Variants in MFN2 observed in about 807,000 individuals in gnomAD.
MFN2 encodes the protein mitofusin 2.
In MFN2, 43 loss-of-function variants were observed where a neutral mutation model predicts 87.5. The observed-to-expected ratio is 0.49, with a 90% CI of 0.38 to 0.63. The LOEUF is 0.63. MFN2 is among the 30% of genes least tolerant of loss of function. The probability of loss-of-function intolerance (pLI) is 0.00; values close to 1 mark genes in which losing one functional copy is unlikely to be tolerated. For synonymous variants in MFN2, 337 were observed against 359.9 expected, an observed-to-expected ratio of 0.94 and a Z score of 0.72; for missense variants, 743 against 972.8, an observed-to-expected ratio of 0.76 and a Z score of 3.14.
At position 11,982,027 on chromosome 1, in the gene MFN2, C is replaced by G. The variant is rs1385794002; in HGVS notation, c.-92C>G. 2.0e-5 allele frequency: 3 copies of G among 150,788 alleles called. No homozygotes were observed. Among genetic ancestry groups the G allele is most frequent in the Non-Finnish European group, 2.9e-5 (2 of 67,958 alleles). The allele number at this position is 150,788 out of a possible 1,614,324, so 9.3% of individuals were successfully genotyped here. On this transcript the variant is annotated 5_prime_UTR_variant, in exon 2 of 19. Coordinates refer to ENST00000235329, the MANE Select transcript of MFN2 (RefSeq NM_014874.4). Reference sequence around the variant, plus strand: ...TAGCCAACCTCAACCTGAGACAGGACAGAAGAGAACTCAGAATCTTTTTGT... The same window carrying G: ...TAGCCAACCTCAACCTGAGACAGGAGAGAAGAGAACTCAGAATCTTTTTGT...
At chr1:12,009,818 GAC>G in intron 18 of MFN2, 92 bp downstream of exon 18, 2 of 1,585,758 alleles carry the variant, frequency 1.3e-6, no homozygotes, top group Non-Finnish European at 1.7e-6. Flanking sequence ...CTTGGGTGTG[GAC>G]ACAAATTTTT....
chr1:12,011,709 C>A lies in MFN2; in HGVS notation c.*144C>A. 1 of 793,878 alleles carries A rather than the reference C, an allele frequency of 1.3e-6. No homozygotes were observed. Among genetic ancestry groups the A allele is most frequent in the Non-Finnish European group, 2.1e-6 (1 of 481,240 alleles). 49.2% of individuals were successfully genotyped at this position (793,878 alleles called of 1,614,324 possible). ...GCACCCAGTCTCGTACCATTTTGAG[C>A]CCTCCAGCACTACTTATTTTCCCCC... is the stretch of plus-strand genomic sequence containing the variant. On this transcript the variant is annotated 3_prime_UTR_variant, in exon 19 of 19. Transcript: ENST00000235329.
chr1:12,003,980 C>T lies in MFN2; in HGVS notation c.1161-12C>T, dbSNP rs1347538946. ...CAGGAACATGGATTTCTCACCAGTA[C>T]TCTGCTTTCAGGGTTTACTGCGAGG... On this transcript the variant is annotated splice_polypyrimidine_tract_variant and intron_variant, in intron 11 of 18. Transcript: ENST00000235329. This position sits in a 1 kb window ranked among gnomAD's most constrained non-coding sequence, Gnocchi z 4.1. The T allele has an allele frequency of 1.9e-6, 3 of 1,614,174 alleles. No homozygotes were observed. The highest frequency in any genetic ancestry group is 1.7e-5 in the Admixed American group (1 of 60,030).
intron 17 of MFN2, among the ~76,000 whole-genome samples, chr1:12,008,044 T>G (rs998309102): frequency 8.5e-5 from 13 of 152,124 alleles, no homozygotes; most frequent in Admixed American, 1.3e-4. Context: ...ACAGCACATG[T>G]TTCAGAGAGC....
chr1:12,011,698 AC>A lies in MFN2; in HGVS notation c.*135del. ...AAGAGAATGAAGCACCCAGTCTCGT[AC>A]CATTTTGAGCCCTCCAGCACTACTT... On this transcript the variant is annotated 3_prime_UTR_variant, in exon 19 of 19. Coordinates refer to ENST00000235329, the MANE Select transcript of MFN2 (RefSeq NM_014874.4). 1.1e-6 allele frequency: 1 copy of A among 928,880 alleles called. No individual in the cohort carries two copies. The allele number at this position is 928,880 out of a possible 1,614,324, so 57.5% of individuals were successfully genotyped here.
chr1:12,006,063 C>T (rs1639402440), intron 15 of MFN2, 132 bp downstream of exon 15: 3 of 769,638 alleles, frequency 3.9e-6, no homozygotes, highest in Admixed American at 4.7e-5. Flanking sequence ...CCACACAGTA[C>T]ACCACAGACA....
At chr1:12,001,348 G>T in intron 8 of MFN2, 53 bp from the exon 9 acceptor site, 2 of 1,607,364 alleles carry the variant, frequency 1.2e-6, no homozygotes, top group East Asian at 2.2e-5. Flanking sequence ...AGAGGCAGGT[G>T]GGGGCTGTGG....
rs1042842 is a variant in MFN2, at chr1:12,011,623, A to G, written c.*58A>G. The G allele has an allele frequency of 0.67, 1,067,423 of 1,587,626 alleles. 361,741 individuals are homozygous for G. The highest frequency in any genetic ancestry group is 0.85 in the African/African-American group (63,118 of 74,418). On this transcript the variant is annotated 3_prime_UTR_variant, in exon 19 of 19. Coordinates refer to ENST00000235329, the MANE Select transcript of MFN2 (RefSeq NM_014874.4). ...GGCGGTGCTGCCAGCCCTAAGTGCCATGTGGGCTCCCCCAGGGGCACGTGT... is the reference window on the plus strand; with the variant it reads ...GGCGGTGCTGCCAGCCCTAAGTGCCGTGTGGGCTCCCCCAGGGGCACGTGT...
At chr1:11,989,019 C>A in intron 2 of MFN2, 146 bp from the exon 3 acceptor site, 3 of 923,360 alleles carry the variant, frequency 3.2e-6, no homozygotes, top group Non-Finnish European at 5.2e-6. Flanking sequence ...CTGTTCTTAT[C>A]TCACCGTCCT....
At chr1:12,002,131 G>A in intron 11 of MFN2, 28 bp downstream of exon 11, 1 of 1,613,992 alleles carries the variant, frequency 6.2e-7, no homozygotes, top group Non-Finnish European at 8.5e-7. Context: ...CAGATAGGTG[G>A]AGAGAGCTGC....
Position 11,989,178 on chromosome 1 carries a change from C to T in MFN2, c.10C>T (p.Leu4Phe), listed in dbSNP as rs764758724. MSL[L>F]FSRCNSIVTV... ...CTTCTCTTGCAGCGCAATGTCCCTG[C>T]TCTTCTCTCGATGCAACTCTATCGT... The change falls in exon 3 of 19, where the codon CTC (leucine) becomes TTC (phenylalanine). Residue 4 changes from leucine (L) to phenylalanine (F), a missense_variant. This residue lies in a region of MFN2 where 31 missense variants were observed against 23.2 expected (regional missense o/e 1.33). Transcript: ENST00000235329. The T allele has an allele frequency of 6.2e-7, 1 of 1,614,156 alleles. No individual in the cohort carries two copies. The highest frequency in any genetic ancestry group is 1.1e-5 in the South Asian group (1 of 91,086).
Position 12,001,802 on chromosome 1 carries a change from T to C in MFN2, c.1004T>C (p.Met335Thr), listed in dbSNP as rs1259172565. ...CTCGCAGAAGGCTTTCAAGTGAGGA[T>C]GTTTGAGTTTCAGAATTTTGAGAGG... Reference protein sequence around the residue: ...GALAEGFQVRMFEFQNFERRF... With the variant: ...GALAEGFQVRTFEFQNFERRF... Residue 335 changes from methionine to threonine, a missense_variant, in exon 10 of 19, where the codon ATG becomes ACG. By Grantham distance (81) the Met-to-Thr change is moderately conservative. Transcript: ENST00000235329. The C allele has an allele frequency of 1.2e-6, 2 of 1,614,046 alleles. No individual in the cohort carries two copies. The highest frequency in any genetic ancestry group is 1.7e-6 in the Non-Finnish European group (2 of 1,180,032).
At chr1:11,999,970 G>A (rs1049430697) in intron 8 of MFN2, among the ~76,000 whole-genome samples, 6 of 151,660 alleles carry the variant, frequency 4.0e-5, no homozygotes, top group South Asian at 2.1e-4. Context: ...GGTGGCAGGC[G>A]CCTGTAGTCC....
chr1:11,993,640 C>T (rs772077912), intron 4 of MFN2, among the ~76,000 whole-genome samples: 105 of 149,944 alleles, frequency 7.0e-4, no homozygotes, highest in Non-Finnish European at 9.0e-4. Flanking sequence ...GAGGCTAGGG[C>T]AGGAGAATGG....
chr1:12,001,617 G>A, intron 9 of MFN2, 63 bp downstream of exon 9: 1 of 1,612,184 alleles, frequency 6.2e-7, no homozygotes, highest in Admixed American at 1.7e-5. Flanking sequence ...CTCGTGCTGA[G>A]GAGTCTGTCA....
intron 4 of MFN2, among the ~76,000 whole-genome samples, chr1:11,993,338 G>A (rs1291929531): frequency 6.6e-6 from 1 of 151,880 alleles, no homozygotes; most frequent in Non-Finnish European, 1.5e-5. Context: ...AATTTCGTAA[G>A]ACATTAAACA....
At chr1:11,985,950 T>A (rs189246558) in intron 2 of MFN2, among the ~76,000 whole-genome samples, 1 of 152,324 alleles carries the variant, frequency 6.6e-6, no homozygotes, top group East Asian at 1.9e-4. Context: ...CTGTACTGTC[T>A]TTAAGCCCTG....
At chr1:11,999,128 C>T in intron 8 of MFN2, 33 bp downstream of exon 8, 1 of 1,582,196 alleles carries the variant, frequency 6.3e-7, no homozygotes. Context: ...TTGGGGAATG[C>T]AACCCCGAGG....
chr1:12,003,862 C>A lies in MFN2; in HGVS notation c.1161-130C>A. On this transcript the variant is annotated intron_variant, in intron 11 of 18. Transcript: ENST00000235329. The surrounding 1 kb of genome is among the most constrained non-coding windows in gnomAD (Gnocchi z 4.1). ...TACCTGGGAAGGGGAAGGCCATGCC[C>A]CTGGGTGCGTGTGTGCAGCCCTGCC... 1 of 1,209,714 alleles carries A rather than the reference C, an allele frequency of 8.3e-7. No individual in the cohort carries two copies. The highest frequency in any genetic ancestry group is 1.2e-6 in the Non-Finnish European group (1 of 822,350). 74.9% of individuals were successfully genotyped at this position (1,209,714 alleles called of 1,614,324 possible). A position where few individuals can be genotyped will look rare whatever the true frequency, so the allele number is the denominator to read the frequency against.
Sources: gnomAD v4.1 joint callset for allele counts (sites outside exome capture counted in the v4.1 genomes callset) on GRCh38, gnomAD v4.1.1 for gene constraint, gnomAD v4.1.1 regional missense constraint, Gnocchi (gnomAD v3.1) non-coding constraint, MANE v1.5 for transcripts, NCBI Gene and HGNC (gene_info 2026-07-23, HGNC 2026-07-21) for gene names.